The following R3HCC1L variants were observed in gnomAD, a reference collection of about 807,000 sequenced individuals.
R3HCC1L encodes the protein coiled-coil domain-containing protein R3HCC1L.
In R3HCC1L, 51 loss-of-function variants were observed where a neutral mutation model predicts 59.9. That is an observed-to-expected ratio of 0.85 (90% confidence interval 0.68 to 1.07). The LOEUF is 1.07. Ranked by LOEUF, R3HCC1L falls within the 50% of genes least tolerant of loss-of-function variation. R3HCC1L has a pLI of 0.00. For missense variants in R3HCC1L, 965 were observed against 933.0 expected, an observed-to-expected ratio of 1.03 and a Z score of -0.45; for synonymous variants, 322 against 315.2, an observed-to-expected ratio of 1.02 and a Z score of -0.23.
chr10:98,203,086 A>G (rs1189744144), intron 4 of R3HCC1L, among the ~76,000 whole-genome samples: 1 of 152,194 alleles, frequency 6.6e-6, no homozygotes, highest in African/African-American at 2.4e-5. Flanking sequence ...AAATGAAAGT[A>G]TTATATTAGT....
intron 6 of R3HCC1L, among the ~76,000 whole-genome samples, chr10:98,233,036 T>TAA (rs1322408433): frequency 6.6e-6 from 1 of 152,062 alleles, no homozygotes; most frequent in African/African-American, 2.4e-5. Flanking sequence ...AGGTCAGTCT[T>TAA]ACTTACTAGA....
chr10:98,165,538 C>G (rs1003176117), intron 4 of R3HCC1L, among the ~76,000 whole-genome samples: 1 of 152,176 alleles, frequency 6.6e-6, no homozygotes, highest in Non-Finnish European at 1.5e-5. Context: ...TGATTTGATA[C>G]GTATGCTATC....
intron 4 of R3HCC1L, among the ~76,000 whole-genome samples, chr10:98,173,088 T>C (rs1015318923): frequency 6.6e-6 from 1 of 152,202 alleles, no homozygotes; most frequent in Admixed American, 6.5e-5. Flanking sequence ...GAATTTTCAT[T>C]CTCTTATTTC....
At chr10:98,232,154 AATTTTTGT>A (rs1856471790) in intron 6 of R3HCC1L, among the ~76,000 whole-genome samples, 1 of 151,880 alleles carries the variant, frequency 6.6e-6, no homozygotes, top group South Asian at 2.1e-4. Flanking sequence ...ATGCCTGGCT[AATTTTTGT>A]ATTTTTTTGT....
intron 1 of R3HCC1L, among the ~76,000 whole-genome samples, chr10:98,149,880 T>C (rs1383195702): frequency 6.6e-6 from 1 of 152,224 alleles, no homozygotes; most frequent in African/African-American, 2.4e-5. Flanking sequence ...TGTTTTTTTG[T>C]CTGGATGATC....
At position 98,244,221 on chromosome 10, in the gene R3HCC1L, G is replaced by T; in HGVS notation, c.*63G>T. ...AAATGTTTCCATAGCCTTCAGATAA[G>T]ATGATCCTTCCAGAGCTCTATGTAC... is the stretch of plus-strand genomic sequence containing the variant. On this transcript the variant is annotated 3_prime_UTR_variant, in exon 10 of 10. Coordinates refer to ENST00000298999, the MANE Select transcript of R3HCC1L (RefSeq NM_001351015.2). 6.7e-7 allele frequency: 1 copy of T among 1,491,824 alleles called. No individual in the cohort carries two copies. The highest frequency in any genetic ancestry group is 9.3e-7 in the Non-Finnish European group (1 of 1,071,106). The allele number at this position is 1,491,824 out of a possible 1,614,324, so 92.4% of individuals were successfully genotyped here. A position where few individuals can be genotyped will look rare whatever the true frequency, so the allele number is the denominator to read the frequency against.
At chr10:98,217,964 T>C (rs1854410670) in intron 5 of R3HCC1L, among the ~76,000 whole-genome samples, 1 of 152,170 alleles carries the variant, frequency 6.6e-6, no homozygotes, top group Admixed American at 6.5e-5. Context: ...TTCAAAGAGA[T>C]ACAGTTTGAC....
At chr10:98,159,733 C>T (rs1184698023) in intron 2 of R3HCC1L, among the ~76,000 whole-genome samples, 1 of 152,192 alleles carries the variant, frequency 6.6e-6, no homozygotes, top group Non-Finnish European at 1.5e-5. Flanking sequence ...TTTTGACATG[C>T]CCCTGTCATT....
intron 4 of R3HCC1L, among the ~76,000 whole-genome samples, chr10:98,165,608 T>A (rs982810739): frequency 6.6e-6 from 1 of 152,244 alleles, no homozygotes; most frequent in Non-Finnish European, 1.5e-5. Context: ...TTTCTGGATA[T>A]TATTTGGATT....
chr10:98,213,618 G>C (rs2135348586), intron 5 of R3HCC1L, among the ~76,000 whole-genome samples: 1 of 152,138 alleles, frequency 6.6e-6, no homozygotes, highest in African/African-American at 2.4e-5. Context: ...AGAGATTATA[G>C]TTCCCACTTT....
At chr10:98,146,856 GAAA>G (rs1336391611) in intron 1 of R3HCC1L, among the ~76,000 whole-genome samples, 1 of 152,070 alleles carries the variant, frequency 6.6e-6, no homozygotes, top group East Asian at 1.9e-4. Flanking sequence ...ATAGTGCTGT[GAAA>G]AAATAACATG....
At position 98,163,295 on chromosome 10, in the gene R3HCC1L, G is replaced by T; in HGVS notation, c.-117G>T. On this transcript the variant is annotated splice_region_variant and 5_prime_UTR_variant, in exon 4 of 10. Transcript: ENST00000298999. The stretch of plus-strand genomic sequence containing the variant: ...AACTTATTATTACTATTTTTCAGGT[G>T]AGGCTGCTGTCAGAAAGGAACTTTT... The T allele has an allele frequency of 1.6e-6, 1 of 627,416 alleles. No homozygotes were observed. The highest frequency in any genetic ancestry group is 5.8e-5 in the South Asian group (1 of 17,216). The allele number at this position is 627,416 out of a possible 1,614,324, so 38.9% of individuals were successfully genotyped here. A position where few individuals can be genotyped will look rare whatever the true frequency, so the allele number is the denominator to read the frequency against.
At chr10:98,180,884 T>G (rs1849555295) in intron 4 of R3HCC1L, among the ~76,000 whole-genome samples, 1 of 152,206 alleles carries the variant, frequency 6.6e-6, no homozygotes. Context: ...TTGCTTTTTT[T>G]TGCTTTCCAT....
intron 5 of R3HCC1L, among the ~76,000 whole-genome samples, chr10:98,214,569 C>T (rs1052179005): frequency 1.3e-5 from 2 of 152,186 alleles, no homozygotes; most frequent in African/African-American, 4.8e-5. Flanking sequence ...ACACCACCAA[C>T]TTGTGCCCAA....
At chr10:98,217,862 T>G (rs1854398240) in intron 5 of R3HCC1L, among the ~76,000 whole-genome samples, 1 of 152,188 alleles carries the variant, frequency 6.6e-6, no homozygotes, top group Non-Finnish European at 1.5e-5. Flanking sequence ...TTATATTGGC[T>G]GACTTTGTAT....
At chr10:98,155,880 C>T (rs903466577) in intron 1 of R3HCC1L, among the ~76,000 whole-genome samples, 1 of 151,668 alleles carries the variant, frequency 6.6e-6, no homozygotes, top group Non-Finnish European at 1.5e-5. Context: ...ATCTCCACTG[C>T]TGCTTCTCCC....
At position 98,166,612 on chromosome 10, in the gene R3HCC1L, T is replaced by C. The variant is rs184579730; in HGVS notation, c.-15+3215T>C. Among the ~76,000 whole-genome samples, 3 of 152,332 alleles carry C rather than the reference T, an allele frequency of 2.0e-5. No homozygotes were observed. In the East Asian group the frequency reaches 5.8e-4, roughly 29 times the overall value. ...AGTGATATTTTTCTCCTCTGGTTTCTATCATTTACTGCTTTTCTCTTTATT... is the reference window on the plus strand; with the variant it reads ...AGTGATATTTTTCTCCTCTGGTTTCCATCATTTACTGCTTTTCTCTTTATT... On this transcript the variant is annotated intron_variant, in intron 4 of 9. Transcript: ENST00000298999.
intron 4 of R3HCC1L, among the ~76,000 whole-genome samples, chr10:98,202,377 A>G (rs149784755): frequency 1.0e-3 from 155 of 152,282 alleles, no homozygotes; most frequent in African/African-American, 3.2e-3. Flanking sequence ...AAATTGGACA[A>G]TACTGGGACT....
intron 4 of R3HCC1L, among the ~76,000 whole-genome samples, chr10:98,195,807 A>G (rs1851370457): frequency 6.6e-6 from 1 of 152,188 alleles, no homozygotes; most frequent in South Asian, 2.1e-4. Context: ...GCACTGTATA[A>G]AAATTCATCG....
Sources: gnomAD v4.1 joint callset for allele counts (sites outside exome capture counted in the v4.1 genomes callset) on GRCh38, gnomAD v4.1.1 for gene constraint, MANE v1.5 for transcripts, NCBI Gene and HGNC (gene_info 2026-07-23, HGNC 2026-07-21) for gene names.